ARHGAP15: variants seen among roughly 807,000 people sequenced by gnomAD.
ARHGAP15 encodes Rho GTPase activating protein 15.
A neutral mutation model predicts 63.7 loss-of-function variants in ARHGAP15; 51 were observed. That is an observed-to-expected ratio of 0.80 (90% CI 0.64 to 1.01). The LOEUF (loss-of-function observed/expected upper bound fraction) is 1.01, where lower values mean the gene tolerates loss of function less well. Among genes scored for constraint, ARHGAP15 ranks in the 50% least tolerant of loss-of-function variants. The pLI is 0.00. For missense variants in ARHGAP15, 560 were observed against 564.6 expected, an observed-to-expected ratio of 0.99 and a Z score of 0.08; for synonymous variants, 191 against 193.8, an observed-to-expected ratio of 0.99 and a Z score of 0.12.
chr2:143,656,777 CTG>C (rs1173738673), intron 12 of ARHGAP15, among the ~76,000 whole-genome samples: 1 of 152,180 alleles, frequency 6.6e-6, no homozygotes, highest in Non-Finnish European at 1.5e-5. Context: ...GGTGAGAAAA[CTG>C]TGTTCTCTCC....
intron 6 of ARHGAP15, among the ~76,000 whole-genome samples, chr2:143,346,214 T>A (rs956112023): frequency 4.1e-5 from 5 of 122,414 alleles, no homozygotes; most frequent in South Asian, 2.5e-4. Context: ...ACACACACAC[T>A]CTCTCTCACA....
At chr2:143,417,513 C>T (rs1454927287) in intron 6 of ARHGAP15, among the ~76,000 whole-genome samples, 1 of 152,104 alleles carries the variant, frequency 6.6e-6, no homozygotes, top group Admixed American at 6.5e-5. Context: ...AGGTACTTTG[C>T]CACAGGGTTT....
intron 11 of ARHGAP15, among the ~76,000 whole-genome samples, chr2:143,569,640 T>C (rs1027002220): frequency 6.6e-5 from 10 of 152,210 alleles, no homozygotes; most frequent in Non-Finnish European, 1.3e-4. Flanking sequence ...GAAGCTTGGC[T>C]TTTATTCTAA....
intron 12 of ARHGAP15, chr2:143,676,215 A>G (rs1682818105): frequency 6.6e-6 from 1 of 152,244 alleles, no homozygotes; most frequent in South Asian, 2.1e-4. Context: ...GCTTTGGCTT[A>G]AGGGAATGTT....
intron 6 of ARHGAP15, among the ~76,000 whole-genome samples, chr2:143,306,152 A>T (rs1357625014): frequency 6.6e-6 from 1 of 152,144 alleles, no homozygotes; most frequent in African/African-American, 2.4e-5. Flanking sequence ...TTATATAAGG[A>T]TATGGCACAT....
At chr2:143,664,721 A>G (rs1367495039) in intron 12 of ARHGAP15, among the ~76,000 whole-genome samples, 1 of 152,230 alleles carries the variant, frequency 6.6e-6, no homozygotes, top group East Asian at 1.9e-4. Flanking sequence ...CACAATAAAA[A>G]TGATAAAGGG....
chr2:143,534,261 C>G (rs150696034), intron 10 of ARHGAP15, among the ~76,000 whole-genome samples: 44 of 152,266 alleles, frequency 2.9e-4, no homozygotes, highest in Non-Finnish European at 5.7e-4. Context: ...CCTTGCTTCC[C>G]CTTCGCCTTC....
intron 11 of ARHGAP15, among the ~76,000 whole-genome samples, chr2:143,557,640 TATTGATATTGGCTTATCA>T (rs1695863361): frequency 6.6e-6 from 1 of 152,116 alleles, no homozygotes. Context: ...AATAATAATG[TATTGATATTGGCTTATCA>T]ATTATAACAA....
intron 6 of ARHGAP15, among the ~76,000 whole-genome samples, chr2:143,354,796 C>T (rs1015829494): frequency 5.9e-5 from 9 of 152,146 alleles, no homozygotes; most frequent in African/African-American, 2.2e-4. Flanking sequence ...AAAGATTTTG[C>T]AGCAGTGCTT....
chr2:143,288,702 A>G (rs947256070), intron 6 of ARHGAP15, among the ~76,000 whole-genome samples: 5 of 151,888 alleles, frequency 3.3e-5, no homozygotes, highest in Admixed American at 6.6e-5. Flanking sequence ...CTTCACCTGA[A>G]GGGCAAAATC....
At chr2:143,478,816 A>C (rs903293759) in intron 8 of ARHGAP15, among the ~76,000 whole-genome samples, 2 of 152,220 alleles carry the variant, frequency 1.3e-5, no homozygotes, top group African/African-American at 4.8e-5. Context: ...CCCACTTCTT[A>C]ACTATTGATT....
intron 6 of ARHGAP15, among the ~76,000 whole-genome samples, chr2:143,293,702 GCTGGGTGTT>G (rs1263041631): frequency 6.6e-6 from 1 of 151,958 alleles, no homozygotes; most frequent in Non-Finnish European, 1.5e-5. Flanking sequence ...GGGTCTTCAG[GCTGGGTGTT>G]CTGGGAGGAA....
chr2:143,550,950 T>C (rs1695535821), intron 10 of ARHGAP15, among the ~76,000 whole-genome samples: 1 of 152,130 alleles, frequency 6.6e-6, no homozygotes, highest in African/African-American at 2.4e-5. Flanking sequence ...TTGTTTTCCA[T>C]AGCTCAGAGA....
At chr2:143,421,766 GTATATATA>G (rs59677710) in intron 6 of ARHGAP15, among the ~76,000 whole-genome samples, 2,137 of 108,994 alleles carry the variant, frequency 0.02, 20 homozygotes, top group African/African-American at 0.03. Context: ...TGCACATGGT[GTATATATA>G]TATATATATA....
chr2:143,215,228 A>C (rs1281958334), intron 3 of ARHGAP15, among the ~76,000 whole-genome samples: 1 of 152,196 alleles, frequency 6.6e-6, no homozygotes, highest in African/African-American at 2.4e-5. Flanking sequence ...CAGAGAAATC[A>C]TGGAAAGACC....
chr2:143,744,235 G>T (rs1447776410), intron 13 of ARHGAP15, among the ~76,000 whole-genome samples: 4 of 152,160 alleles, frequency 2.6e-5, no homozygotes, highest in Non-Finnish European at 5.9e-5. Context: ...GAGAGACTTG[G>T]GGAGGCCAAC....
chr2:143,591,623 T>C (rs1194714715), intron 11 of ARHGAP15, among the ~76,000 whole-genome samples: 17 of 130,582 alleles, frequency 1.3e-4, no homozygotes, highest in Middle Eastern at 3.8e-3. Context: ...TCTTTTTTTT[T>C]TTTCTTTTTT....
chr2:143,552,565 G>A (rs977305948), intron 10 of ARHGAP15, among the ~76,000 whole-genome samples: 1 of 137,528 alleles, frequency 7.3e-6, no homozygotes, highest in Admixed American at 6.9e-5. Context: ...AAAAAAGTCG[G>A]GGTGGGGAGG....
At chr2:143,201,209 A>G (rs1464204157) in intron 2 of ARHGAP15, among the ~76,000 whole-genome samples, 1 of 151,332 alleles carries the variant, frequency 6.6e-6, no homozygotes, top group African/African-American at 2.4e-5. Flanking sequence ...TCCTGGCTCA[A>G]GTGATTCTCC....
Sources: gnomAD v4.1 joint callset for allele counts (sites outside exome capture counted in the v4.1 genomes callset) on GRCh38, gnomAD v4.1.1 for gene constraint, MANE v1.5 for transcripts, NCBI Gene and HGNC (gene_info 2026-07-23, HGNC 2026-07-21) for gene names.